Variants in CIRSR observed in about 807,000 individuals in gnomAD.
The protein encoded by CIRSR is corepressor of RBPJ and splicing regulator.
At chr2:174,354,786 G>C in the CIRSR span, among the ~76,000 whole-genome samples, 6 of 110,922 alleles carry the variant, frequency 5.4e-5, no homozygotes, top group Non-Finnish European at 1.0e-4. Flanking sequence ...TTTTTTGGTA[G>C]AGACAGGGTT....
chr2:174,353,887 C>G, the CIRSR span, among the ~76,000 whole-genome samples: 1 of 152,126 alleles, frequency 6.6e-6, no homozygotes. Flanking sequence ...ACTACATTTC[C>G]TTGTCAACAA....
chr2:174,361,746 T>A, the CIRSR span, among the ~76,000 whole-genome samples: 1 of 152,196 alleles, frequency 6.6e-6, no homozygotes, highest in East Asian at 1.9e-4. Context: ...TAGAACACAC[T>A]AAAAACTATA....
At chr2:174,348,919 C>G in the CIRSR span, 1 of 1,614,074 alleles carries the variant, frequency 6.2e-7, no homozygotes, top group South Asian at 1.1e-5. Context: ...TTAGACTTGT[C>G]CTTCTCTTCA....
chr2:174,365,880 C>G, the CIRSR span, among the ~76,000 whole-genome samples: 1 of 152,094 alleles, frequency 6.6e-6, no homozygotes, highest in South Asian at 2.1e-4. Flanking sequence ...AAGCAAGCAT[C>G]AGAACCAGAC....
the CIRSR span, among the ~76,000 whole-genome samples, chr2:174,367,528 C>T: frequency 1.3e-5 from 2 of 151,972 alleles, no homozygotes; most frequent in South Asian, 2.1e-4. Context: ...TGCAGTAAGC[C>T]GAGATCATGC....
the CIRSR span, chr2:174,349,041 G>A: frequency 6.3e-7 from 1 of 1,596,030 alleles, no homozygotes; most frequent in Non-Finnish European, 8.5e-7. Flanking sequence ...AGTCTCAGTA[G>A]AGGAAGAGGA....
the CIRSR span, among the ~76,000 whole-genome samples, chr2:174,386,866 T>A: frequency 6.6e-6 from 1 of 152,242 alleles, no homozygotes; most frequent in Non-Finnish European, 1.5e-5. Context: ...TATCAGTTAT[T>A]ATATTTGGCC....
At chr2:174,375,346 A>G in the CIRSR span, among the ~76,000 whole-genome samples, 1 of 152,202 alleles carries the variant, frequency 6.6e-6, no homozygotes, top group Non-Finnish European at 1.5e-5. Context: ...GGTATATCAC[A>G]CCTGTAATCC....
chr2:174,384,715 C>A, the CIRSR span, among the ~76,000 whole-genome samples: 4 of 151,574 alleles, frequency 2.6e-5, no homozygotes, highest in Non-Finnish European at 1.5e-5. Flanking sequence ...TTGTGCCCAG[C>A]CCAATTCATT....
chr2:174,354,456 T>A, the CIRSR span, among the ~76,000 whole-genome samples: 1 of 94,808 alleles, frequency 1.1e-5, no homozygotes, highest in Non-Finnish European at 1.9e-5. Flanking sequence ...TTATATAATA[T>A]AATATATAAA....
the CIRSR span, among the ~76,000 whole-genome samples, chr2:174,379,467 C>T: frequency 2.0e-5 from 3 of 152,172 alleles, no homozygotes; most frequent in Non-Finnish European, 4.4e-5. Flanking sequence ...CAGATGTTGT[C>T]TATTCTAACG....
the CIRSR span, among the ~76,000 whole-genome samples, chr2:174,378,377 T>A: frequency 1.3e-5 from 2 of 152,216 alleles, no homozygotes; most frequent in Admixed American, 1.3e-4. Flanking sequence ...CACTAATAAA[T>A]TTAAGTTAAA....
the CIRSR span, among the ~76,000 whole-genome samples, chr2:174,390,690 G>GT: frequency 0.26 from 39,101 of 152,050 alleles, 5,874 homozygotes; most frequent in African/African-American, 0.42. Flanking sequence ...TAATCCCCGC[G>GT]TATCGTGGGA....
the CIRSR span, chr2:174,369,885 G>A: frequency 1.6e-6 from 2 of 1,216,684 alleles, no homozygotes; most frequent in South Asian, 1.3e-5. Context: ...AATAATACAA[G>A]TTTGAATTAT....
chr2:174,354,630 TAATA>T, the CIRSR span, among the ~76,000 whole-genome samples: 1 of 82,586 alleles, frequency 1.2e-5, no homozygotes, highest in African/African-American at 4.9e-5. Flanking sequence ...ATATATTATA[TAATA>T]TATATTATAT....
the CIRSR span, chr2:174,350,561 A>G: frequency 2.2e-5 from 15 of 676,260 alleles, no homozygotes; most frequent in Non-Finnish European, 3.1e-5. Flanking sequence ...GATGCATGGT[A>G]TAAGGACCTT....
chr2:174,395,417 G>A, the CIRSR span: 1 of 842,102 alleles, frequency 1.2e-6, no homozygotes, highest in Non-Finnish European at 1.9e-6. Flanking sequence ...AGAAAGGCGA[G>A]ACCACCAGGG....
chr2:174,356,526 A>AG, the CIRSR span, among the ~76,000 whole-genome samples: 1,063 of 133,332 alleles, frequency 8.0e-3, 10 homozygotes, highest in South Asian at 0.014. Context: ...AAAGAAAGAA[A>AG]GAAGAAAGGA....
chr2:174,395,587 T>C, the CIRSR span: 1 of 1,614,092 alleles, frequency 6.2e-7, no homozygotes, highest in Non-Finnish European at 8.5e-7. Flanking sequence ...GATGAAAGTC[T>C]TTCTTGCACA....
Sources: gnomAD v4.1 joint callset for allele counts (sites outside exome capture counted in the v4.1 genomes callset) on GRCh38, gnomAD v4.1.1 for gene constraint, MANE v1.5 for transcripts, NCBI Gene and HGNC (gene_info 2026-07-23, HGNC 2026-07-21) for gene names.